NPAS1: variants seen among roughly 807,000 people sequenced by gnomAD.
NPAS1 encodes neuronal PAS domain protein 1, also known as neuronal PAS domain-containing protein 1.
Under a neutral mutation model 49.2 loss-of-function variants are expected in NPAS1, and 29 were observed. The observed-to-expected ratio is 0.59, with a 90% CI of 0.44 to 0.80. The LOEUF (loss-of-function observed/expected upper bound fraction) is 0.80, where lower values mean the gene tolerates loss of function less well. Among genes scored for constraint, NPAS1 ranks in the 30% least tolerant of loss-of-function variants. The pLI, the probability that NPAS1 is intolerant of heterozygous loss-of-function variation, is 0.00. For missense variants in NPAS1, 825 were observed against 835.5 expected (o/e 0.99, Z 0.15); for synonymous variants, 408 against 380.4 (o/e 1.07, Z -0.84).
chr19:47,040,941 C>T (rs2057014227), intron 9 of NPAS1, 37 bp from the exon 10 acceptor site: 1 of 1,435,058 alleles, frequency 7.0e-7, no homozygotes, highest in Non-Finnish European at 9.1e-7. Context: ...CTGTCCCCAC[C>T]CCACCCCCTT....
chr19:47,036,987 GA>G (rs1357443684), intron 6 of NPAS1, among the ~76,000 whole-genome samples: 2 of 150,660 alleles, frequency 1.3e-5, no homozygotes. Context: ...GAGCCTTGGG[GA>G]CAGAGGTTGC....
At chr19:47,036,487 C>G (rs1019578646) in intron 6 of NPAS1, among the ~76,000 whole-genome samples, 3 of 152,208 alleles carry the variant, frequency 2.0e-5, no homozygotes, top group Non-Finnish European at 4.4e-5. Context: ...GCGCCTGTAA[C>G]CCCGGCACTT....
chr19:47,039,744 C>T lies in NPAS1; in HGVS notation c.962+180C>T, dbSNP rs528475230. ...AGGGAGGGAAGGCAGGGGACCAGGG[C>T]GGAGGCCTAGCCCAGGGGTGCCTTC... On this transcript the variant is annotated intron_variant, in intron 8 of 11. Transcript: ENST00000602212. Among the ~76,000 whole-genome samples the T allele has an allele frequency of 1.7e-4, 26 of 152,116 alleles. 1 individual carries two copies. Among genetic ancestry groups the T allele is most frequent in the Admixed American group, 5.2e-4 (8 of 15,278 alleles).
chr19:47,021,653 G>C lies in NPAS1; in HGVS notation c.164G>C (p.Arg55Pro). ...QRKEKSRNAA[R>P]SRRGKENLEF... ...AAGGAGAAGTCCCGGAACGCGGCGCGCTCGCGGCGCGGGAAGGAGAACCTG... is the reference window on the plus strand; with the variant it reads ...AAGGAGAAGTCCCGGAACGCGGCGCCCTCGCGGCGCGGGAAGGAGAACCTG... The change falls in exon 3 of 12, where the codon CGC (arginine) becomes CCC (proline). Residue 55 changes from arginine (R) to proline (P), a missense_variant. Transcript: ENST00000602212. This position sits in a 1 kb window ranked among gnomAD's most constrained non-coding sequence, Gnocchi z 5.7. 1.3e-6 allele frequency: 2 copies of C among 1,553,150 alleles called. No individual in the cohort carries two copies. Among genetic ancestry groups the C allele is most frequent in the Non-Finnish European group, 1.7e-6 (2 of 1,150,814 alleles).
chr19:47,043,072 C>T (rs1412597106), intron 11 of NPAS1, among the ~76,000 whole-genome samples, 168 bp downstream of exon 11: 1 of 151,920 alleles, frequency 6.6e-6, no homozygotes, highest in Non-Finnish European at 1.5e-5. Context: ...TTTGGGAGGC[C>T]GAGGCAGGTG....
chr19:47,035,896 C>A (rs867480800), intron 5 of NPAS1, 68 bp from the exon 6 acceptor site: 1 of 1,441,916 alleles, frequency 6.9e-7, no homozygotes, highest in Non-Finnish European at 9.2e-7. Context: ...AAGGCTGAGC[C>A]CAGAGGGCGA....
intron 8 of NPAS1, 55 bp downstream of exon 8, chr19:47,039,619 G>A (rs2056997789): frequency 3.3e-6 from 5 of 1,510,326 alleles, no homozygotes; most frequent in Non-Finnish European, 4.4e-6. Context: ...GAGATCTGGG[G>A]GTACATGGGG....
rs1236090300 is a variant in NPAS1 at position 47,021,626 on chromosome 19, G to A, written c.137G>A (p.Arg46His). Residue 46 changes from arginine to histidine, a missense_variant, in exon 3 of 12, where the codon CGC (arginine) becomes CAC (histidine). Physicochemically the swap from Arg to His is conservative, Grantham distance 29. Coordinates refer to ENST00000602212, the MANE Select transcript of NPAS1 (RefSeq NM_002517.4). The surrounding 1 kb of genome is among the most constrained non-coding windows in gnomAD (Gnocchi z 5.7). ...APSGPCLQAQ[R>H]KEKSRNAARS... ...CGCCCGCCCAGCCTGCAGGCGCAGCGCAAGGAGAAGTCCCGGAACGCGGCG... is the reference window on the plus strand; with the variant it reads ...CGCCCGCCCAGCCTGCAGGCGCAGCACAAGGAGAAGTCCCGGAACGCGGCG... 2.0e-6 allele frequency: 3 copies of A among 1,526,938 alleles called. No homozygotes were observed. The highest frequency in any genetic ancestry group is 2.5e-5 in the East Asian group (1 of 39,338). The allele number at this position is 1,526,938 out of a possible 1,614,324, so 94.6% of individuals were successfully genotyped here.
intron 8 of NPAS1, among the ~76,000 whole-genome samples, chr19:47,040,084 G>A (rs975036832): frequency 3.3e-5 from 5 of 152,018 alleles, no homozygotes; most frequent in Non-Finnish European, 5.9e-5. Flanking sequence ...GTGCAGTGGC[G>A]CAATCTCAGC....
chr19:47,040,426 TTC>T lies in NPAS1; in HGVS notation c.963-14_963-13del, dbSNP rs1156839388. The T allele has an allele frequency of 6.4e-7, 1 of 1,553,400 alleles. No homozygotes were observed. Among genetic ancestry groups the T allele is most frequent in the Non-Finnish European group, 8.7e-7 (1 of 1,142,864 alleles). ...CCCGTGGTCTTGGACTCCTCCCCTC[TTC>T]TCTGTCACCCCCCAGAGTCAGCGAC... On this transcript the variant is annotated splice_polypyrimidine_tract_variant and intron_variant, in intron 8 of 11. Coordinates refer to ENST00000602212, the MANE Select transcript of NPAS1 (RefSeq NM_002517.4).
At chr19:47,022,868 T>A (rs1272093499) in intron 3 of NPAS1, among the ~76,000 whole-genome samples, 2 of 152,272 alleles carry the variant, frequency 1.3e-5, no homozygotes, top group Non-Finnish European at 2.9e-5. Flanking sequence ...ATAGAAGTGC[T>A]GTTATGTTAT....
intron 3 of NPAS1, among the ~76,000 whole-genome samples, chr19:47,024,773 G>T (rs1181240973): frequency 1.3e-5 from 2 of 151,688 alleles, no homozygotes; most frequent in Non-Finnish European, 2.9e-5. Flanking sequence ...GTCTGGAGAG[G>T]AGACCGCCCA....
At chr19:47,027,479 T>TG (rs1408799657) in intron 3 of NPAS1, among the ~76,000 whole-genome samples, 5 of 105,040 alleles carry the variant, frequency 4.8e-5, no homozygotes, top group African/African-American at 1.9e-4. Context: ...TCTCTGCCCC[T>TG]GGTCTCCCGT....
At chr19:47,040,748 G>C (rs994228849) in intron 9 of NPAS1, 198 bp downstream of exon 9, 1 of 598,268 alleles carries the variant, frequency 1.7e-6, no homozygotes, top group African/African-American at 1.9e-5. Context: ...TGGGGGGGGG[G>C]TCTGGGGGGC....
chr19:47,028,479 G>C (rs533160761), intron 3 of NPAS1, among the ~76,000 whole-genome samples: 2 of 152,078 alleles, frequency 1.3e-5, no homozygotes, highest in African/African-American at 2.4e-5. Flanking sequence ...TTTGATGGTC[G>C]GGTAATAACA....
intron 3 of NPAS1, among the ~76,000 whole-genome samples, chr19:47,028,201 G>A (rs1178915747): frequency 1.3e-5 from 2 of 152,118 alleles, no homozygotes; most frequent in African/African-American, 2.4e-5. Context: ...AAAATGACAG[G>A]GGAAAATTGC....
rs537696375 is a variant in NPAS1, at chr19:47,036,872, T to C, written c.688+743T>C. On this transcript the variant is annotated intron_variant, in intron 6 of 11. Transcript: ENST00000602212. Reference sequence around the variant, plus strand: ...ACTCCAGCCTGGGCGAGTCCAAGACTGTCTCCAAAAAAAACAACAACAACA... The same window carrying C: ...ACTCCAGCCTGGGCGAGTCCAAGACCGTCTCCAAAAAAAACAACAACAACA... 4.6e-5 allele frequency among the ~76,000 whole-genome samples: 7 copies of C among 151,590 alleles called. No individual in the cohort carries two copies. The East Asian group carries it at 1.4e-3, about 29-fold the overall frequency.
chr19:47,045,065 CAA>C, intron 11 of NPAS1, 124 bp from the exon 12 acceptor site: 1 of 883,272 alleles, frequency 1.1e-6, no homozygotes, highest in Non-Finnish European at 1.7e-6. Context: ...AACAAACAAA[CAA>C]AAAAAAAAAC....
rs138366096 is a variant in NPAS1 at position 47,032,290 on chromosome 19, G to C, written c.371G>C (p.Arg124Pro). The change falls in exon 4 of 12, where the codon CGC becomes CCC. Residue 124 changes from arginine to proline, a missense_variant. Arg to Pro is a moderately radical substitution (Grantham distance 103). Coordinates refer to ENST00000602212, the MANE Select transcript of NPAS1 (RefSeq NM_002517.4). ...CCATCTGCCCCAGCCCCAGGCCGCC[G>C]CGGCCCCGCAGCGCTGGTCTCCGAA... Reference protein sequence around the residue: ...GPPAGLAPGRRGPAALVSEVF... With the variant: ...GPPAGLAPGRPGPAALVSEVF... 6.2e-7 allele frequency: 1 copy of C among 1,613,890 alleles called. No homozygotes were observed. Among genetic ancestry groups the C allele is most frequent in the Non-Finnish European group, 8.5e-7 (1 of 1,179,978 alleles).
Sources: gnomAD v4.1 joint callset for allele counts (sites outside exome capture counted in the v4.1 genomes callset) on GRCh38, gnomAD v4.1.1 for gene constraint, Gnocchi (gnomAD v3.1) non-coding constraint, MANE v1.5 for transcripts, NCBI Gene and HGNC (gene_info 2026-07-23, HGNC 2026-07-21) for gene names.